Variants in TENM4 observed in about 807,000 individuals in gnomAD.
TENM4 encodes teneurin-4.
TENM4 carries 82 observed loss-of-function variants against 243.3 expected under a neutral mutation model. That is an observed-to-expected ratio of 0.34 (90% CI 0.28 to 0.40). The LOEUF is 0.40. TENM4 is among the 10% of genes least tolerant of loss of function. The probability of loss-of-function intolerance (pLI) is 1.00; values close to 1 mark genes in which losing one functional copy is unlikely to be tolerated. For missense variants in TENM4, 3,138 were observed against 3,673.3 expected (o/e 0.85, Z 3.77); for synonymous variants, 1,412 against 1,456.3 (o/e 0.97, Z 0.69).
intron 2 of TENM4, among the ~76,000 whole-genome samples, chr11:79,268,932 G>C (rs1334099690): frequency 6.6e-6 from 1 of 152,192 alleles, no homozygotes; most frequent in East Asian, 1.9e-4. Flanking sequence ...ATGAGTTATA[G>C]GATTGCTGGC....
At chr11:79,410,454 TG>T (rs1426192833) in intron 1 of TENM4, among the ~76,000 whole-genome samples, 1 of 152,176 alleles carries the variant, frequency 6.6e-6, no homozygotes, top group African/African-American at 2.4e-5. Context: ...TGTGCCTGAC[TG>T]GGGCTCAATA....
In TENM4 at chr11:78,834,556, TC is replaced by T. The variant is rs149166682; in HGVS notation, c.1681+19547del. 4.1e-3 allele frequency among the ~76,000 whole-genome samples: 624 copies of T among 152,206 alleles called. 1 individual carries two copies. The highest frequency in any genetic ancestry group is 0.017 in the Middle Eastern group (5 of 294). On this transcript the variant is annotated intron_variant, in intron 12 of 33. Coordinates refer to ENST00000278550, the MANE Select transcript of TENM4 (RefSeq NM_001098816.3). The stretch of plus-strand genomic sequence containing the variant: ...AGAAGGCACTACCAGAGTCTTTTGG[TC>T]CCCCCACTCTTCTGCTGATTTCTTT...
chr11:79,200,414 C>A (rs1034611415), intron 3 of TENM4, among the ~76,000 whole-genome samples: 1 of 152,196 alleles, frequency 6.6e-6, no homozygotes. Context: ...AATCTAGTGT[C>A]CCCCAGGACA....
rs1367409107 is a variant in TENM4, at chr11:78,962,413, A to C, written c.494-58890T>G. Among the ~76,000 whole-genome samples the C allele has an allele frequency of 2.2e-5, 3 of 135,682 alleles. No individual in the cohort carries two copies. The South Asian group carries it at 8.0e-4, about 36-fold the overall frequency. The allele number at this position is 135,682 out of a possible 152,430, so 89.0% of individuals were successfully genotyped here. ...ATAATGAAAATTGATTTTGAGGCAC[A>C]CGGGGAGGGGGAGGGAGCAAAATAA... is the stretch of plus-strand genomic sequence containing the variant. On this transcript the variant is annotated intron_variant, in intron 6 of 33. Transcript: ENST00000278550.
At position 79,259,956 on chromosome 11, in the gene TENM4, G is replaced by T. The variant is rs375627605; in HGVS notation, c.-265+37532C>A. 4.6e-5 allele frequency among the ~76,000 whole-genome samples: 7 copies of T among 152,330 alleles called. No individual in the cohort carries two copies. In the East Asian group the frequency reaches 1.2e-3, roughly 25 times the overall value. ...TCAGACCTACCAGTTAAAGAGCTAT[G>T]TGATGCAGGAAACTGTTAATAATCA... is the stretch of plus-strand genomic sequence containing the variant. On this transcript the variant is annotated intron_variant, in intron 2 of 33. Coordinates refer to ENST00000278550, the MANE Select transcript of TENM4 (RefSeq NM_001098816.3).
At chr11:78,861,706 C>T (rs1591078582) in intron 10 of TENM4, among the ~76,000 whole-genome samples, 1 of 152,154 alleles carries the variant, frequency 6.6e-6, no homozygotes, top group Non-Finnish European at 1.5e-5. Context: ...AAGTATATGC[C>T]ACCCTGTTAA....
chr11:78,729,779 A>G (rs1452009034), intron 21 of TENM4, 136 bp from the exon 22 acceptor site: 2 of 1,177,248 alleles, frequency 1.7e-6, no homozygotes, highest in Non-Finnish European at 2.4e-6. Context: ...GGAAAAAAAG[A>G]GGAGACAGTG....
intron 12 of TENM4, among the ~76,000 whole-genome samples, chr11:78,814,957 C>A (rs753547783): frequency 6.6e-6 from 1 of 152,236 alleles, no homozygotes; most frequent in Non-Finnish European, 1.5e-5. Flanking sequence ...TGCTCCTCAC[C>A]TTGATGTGTT....
At chr11:79,373,132 T>C (rs1031163386) in intron 1 of TENM4, among the ~76,000 whole-genome samples, 3 of 152,214 alleles carry the variant, frequency 2.0e-5, no homozygotes, top group African/African-American at 7.2e-5. Context: ...TTCACTGCTG[T>C]ATCTGATACA....
intron 4 of TENM4, among the ~76,000 whole-genome samples, chr11:79,126,751 T>C (rs1210909553): frequency 2.6e-5 from 4 of 152,150 alleles, no homozygotes; most frequent in Non-Finnish European, 1.5e-5. Context: ...CCCTGACCCC[T>C]TGAATGAAGG....
At chr11:78,895,555 C>A (rs1034316544) in intron 7 of TENM4, among the ~76,000 whole-genome samples, 6 of 152,074 alleles carry the variant, frequency 3.9e-5, no homozygotes, top group African/African-American at 1.4e-4. Flanking sequence ...CTCAAATCTC[C>A]TATCCACCCA....
At chr11:79,039,132 G>A (rs572921420) in intron 6 of TENM4, among the ~76,000 whole-genome samples, 6 of 152,312 alleles carry the variant, frequency 3.9e-5, no homozygotes, top group Admixed American at 2.0e-4. Context: ...TTAAATAGCT[G>A]TTACCTGCTT....
In TENM4 at chr11:78,688,035, T is replaced by G; in HGVS notation, c.5260+19A>C. The stretch of plus-strand genomic sequence containing the variant: ...CCCACCCCTCTGCCTCAAAGTCCCC[T>G]GGCCCCCACCTGACTTACCTTGCAG... On this transcript the variant is annotated intron_variant, in intron 29 of 33. Coordinates refer to ENST00000278550, the MANE Select transcript of TENM4 (RefSeq NM_001098816.3). The G allele has an allele frequency of 6.2e-7, 1 of 1,612,298 alleles. No homozygotes were observed. The highest frequency in any genetic ancestry group is 8.5e-7 in the Non-Finnish European group (1 of 1,179,060).
chr11:78,676,113 TC>T (rs1175842526), intron 30 of TENM4, 38 bp downstream of exon 30: 6 of 1,432,426 alleles, frequency 4.2e-6, no homozygotes, highest in African/African-American at 1.4e-5. Context: ...CCCCATTCTT[TC>T]CCCCCAGGAC....
chr11:79,324,789 TC>T (rs1237939184), intron 1 of TENM4, among the ~76,000 whole-genome samples: 3 of 151,962 alleles, frequency 2.0e-5, no homozygotes, highest in Admixed American at 6.6e-5. Flanking sequence ...ACTGCTGCTG[TC>T]CCCCGGAGGC....
At chr11:79,120,173 A>G (rs1861712415) in intron 4 of TENM4, among the ~76,000 whole-genome samples, 1 of 152,222 alleles carries the variant, frequency 6.6e-6, no homozygotes, top group South Asian at 2.1e-4. Context: ...AGGACAGCTG[A>G]AAGGACTTCA....
At chr11:78,946,204 G>A (rs1387772367) in intron 6 of TENM4, among the ~76,000 whole-genome samples, 1 of 152,208 alleles carries the variant, frequency 6.6e-6, no homozygotes, top group Non-Finnish European at 1.5e-5. Context: ...CTTGTCAGGG[G>A]CTAATGCAGC....
chr11:79,271,905 C>A (rs1033472296), intron 2 of TENM4, among the ~76,000 whole-genome samples: 1 of 152,186 alleles, frequency 6.6e-6, no homozygotes, highest in African/African-American at 2.4e-5. Context: ...CACTGAGCAC[C>A]TGCTGTGTAC....
At chr11:78,770,366 T>G (rs1197973710) in intron 18 of TENM4, among the ~76,000 whole-genome samples, 1 of 152,200 alleles carries the variant, frequency 6.6e-6, no homozygotes, top group African/African-American at 2.4e-5. Context: ...TGTGTAAGGA[T>G]GCACAGGGAG....
Sources: allele counts gnomAD v4.1 joint callset (sites outside exome capture counted in the v4.1 genomes callset), GRCh38; gene constraint gnomAD v4.1.1; transcripts MANE v1.5; gene names NCBI Gene and HGNC (gene_info 2026-07-23, HGNC 2026-07-21).